Variants in FBH1 observed in about 807,000 individuals in gnomAD.
FBH1 encodes the protein DNA 3'-5' helicase 1.
In FBH1, 43 loss-of-function variants were observed where a neutral mutation model predicts 115.5. That is an observed-to-expected ratio of 0.37 (90% CI 0.29 to 0.48). The LOEUF (loss-of-function observed/expected upper bound fraction) is 0.48. Ranked by LOEUF, FBH1 falls within the 20% of genes least tolerant of loss-of-function variation. The pLI is 0.99. For synonymous variants in FBH1, 524 were observed against 507.8 expected, an observed-to-expected ratio of 1.03 and a Z score of -0.43; for missense variants, 1,001 against 1,337.3, an observed-to-expected ratio of 0.75 and a Z score of 3.92.
chr10:5,908,907 T>C lies in FBH1; in HGVS notation c.754-18T>C. The C allele has an allele frequency of 6.2e-7, 1 of 1,613,328 alleles. No individual in the cohort carries two copies. The highest frequency in any genetic ancestry group is 1.3e-5 in the African/African-American group (1 of 75,058). On this transcript the variant is annotated intron_variant, in intron 3 of 20. Transcript: ENST00000362091. ...GCCCTTTGCCTCATGTTATTTTGTTTGTTTTTTAACTGCATAGTTCATTCC... is the reference window on the plus strand; with the variant it reads ...GCCCTTTGCCTCATGTTATTTTGTTCGTTTTTTAACTGCATAGTTCATTCC...
In FBH1 at chr10:5,914,775, C is replaced by T. The variant is rs1242300654; in HGVS notation, c.1396+506C>T. Among the ~76,000 whole-genome samples the T allele has an allele frequency of 6.6e-6, 1 of 152,222 alleles. No homozygotes were observed. The highest frequency in any genetic ancestry group is 2.4e-5 in the African/African-American group (1 of 41,460). On this transcript the variant is annotated intron_variant, in intron 8 of 20. Transcript: ENST00000362091. The surrounding 1 kb of genome is among the most constrained non-coding windows in gnomAD (Gnocchi z 5.2). ...GGTTACTCTTTCATCACAGCCTTTG[C>T]TCGTGCTATTTGCTATTTTTTTTCT...
rs988139207 is a variant in FBH1, at chr10:5,915,671, C to T, written c.1565+100C>T. On this transcript the variant is annotated intron_variant, in intron 9 of 20. Transcript: ENST00000362091. This position sits in a 1 kb window ranked among gnomAD's most constrained non-coding sequence, Gnocchi z 5.2. Reference sequence around the variant, plus strand: ...ATGTGAGCTTACACCACAGTGACCCCGAGGAGTGTAGTGCTGTTATCTCCA... The same window carrying T: ...ATGTGAGCTTACACCACAGTGACCCTGAGGAGTGTAGTGCTGTTATCTCCA... 70 of 1,121,662 alleles carry T rather than the reference C, an allele frequency of 6.2e-5. No individual in the cohort carries two copies. Among genetic ancestry groups the T allele is most frequent in the Admixed American group, 1.8e-4 (9 of 49,620 alleles). 69.5% of individuals were successfully genotyped at this position (1,121,662 alleles called of 1,614,324 possible).
intron 19 of FBH1, among the ~76,000 whole-genome samples, chr10:5,929,189 C>T (rs1323764822): frequency 3.9e-5 from 6 of 152,048 alleles, no homozygotes; most frequent in African/African-American, 1.4e-4. Context: ...CCCATCCAGG[C>T]GAGGAGATGG....
intron 1 of FBH1, among the ~76,000 whole-genome samples, chr10:5,902,748 G>C (rs754104127): frequency 6.6e-6 from 1 of 151,940 alleles, no homozygotes; most frequent in African/African-American, 2.4e-5. Context: ...TCTTAAATGA[G>C]CATTTCATGA....
At position 5,906,278 on chromosome 10, in the gene FBH1, G is replaced by T; in HGVS notation, c.399G>T (p.Gln133His). ...GGTCCTCTGAGGAAGAGAGTAACCA[G>T]GCTACCGGGACCAGCCGGTGGGATG... is the stretch of plus-strand genomic sequence containing the variant. ...RSWSSEEESN[Q>H]ATGTSRWDGV... The change falls in exon 3 of 21, where the codon CAG becomes CAT. Residue 133 changes from glutamine to histidine, a missense_variant. Gln to His is a conservative substitution (Grantham distance 24). This residue lies in a region of FBH1 where 420 missense variants were observed against 430.4 expected (regional missense o/e 0.98). Transcript: ENST00000362091. The surrounding 1 kb of genome is among the most constrained non-coding windows in gnomAD (Gnocchi z 7.3). 6.2e-7 allele frequency: 1 copy of T among 1,614,204 alleles called. No individual in the cohort carries two copies. Among genetic ancestry groups the T allele is most frequent in the Non-Finnish European group, 8.5e-7 (1 of 1,180,032 alleles).
intron 2 of FBH1, among the ~76,000 whole-genome samples, chr10:5,903,665 T>C (rs550707846): frequency 6.6e-6 from 1 of 152,090 alleles, no homozygotes; most frequent in South Asian, 2.1e-4. Context: ...TTATCATAGT[T>C]TGTAAAAGCT....
At position 5,936,767 on chromosome 10, in the gene FBH1, G is replaced by A. The variant is rs1833385785; in HGVS notation, c.2961+180G>A. ...GTCCCAGGGTCAGAGGTCAGGGCAC[G>A]TGATGCTGCCTGGCTGTGCTGAAGC... On this transcript the variant is annotated intron_variant, in intron 20 of 20. Coordinates refer to ENST00000362091, the MANE Select transcript of FBH1 (RefSeq NM_178150.3). The surrounding 1 kb of genome is among the most constrained non-coding windows in gnomAD (Gnocchi z 5.6). The A allele has an allele frequency of 9.0e-6, 7 of 775,256 alleles. No homozygotes were observed. The highest frequency in any genetic ancestry group is 5.6e-5 in the East Asian group (2 of 36,020). The allele number at this position is 775,256 out of a possible 1,614,324, so 48.0% of individuals were successfully genotyped here.
intron 10 of FBH1, among the ~76,000 whole-genome samples, chr10:5,916,690 T>G (rs1831980468): frequency 6.8e-6 from 1 of 146,986 alleles, no homozygotes; most frequent in Non-Finnish European, 1.5e-5. Context: ...GTTAGGGATC[T>G]GAGGATGGGG....
In FBH1 at chr10:5,936,506, G is replaced by A. The variant is rs768417959; in HGVS notation, c.2880G>A (p.Val960=). The change falls in exon 20 of 21, where the codon GTG becomes GTA. Residue 960 remains valine (V), a synonymous_variant. Transcript: ENST00000362091. The surrounding 1 kb of genome is among the most constrained non-coding windows in gnomAD (Gnocchi z 5.6). ...CAAGCAACGTCTTAAAAACAGGCGT[G>A]GTGCGCTGCTGCGTGGGACAGTGCA... ...ELTSNVLKTG[V]VRCCVGQCNN... is the part of the protein sequence containing the mutation. 1.2e-6 allele frequency: 2 copies of A among 1,614,116 alleles called. No homozygotes were observed. Among genetic ancestry groups the A allele is most frequent in the East Asian group, 2.2e-5 (1 of 44,884 alleles).
chr10:5,909,293 G>T lies in FBH1; in HGVS notation c.1019G>T (p.Gly340Val), dbSNP rs1486227909. 6.2e-7 allele frequency: 1 copy of T among 1,608,764 alleles called. No homozygotes were observed. The highest frequency in any genetic ancestry group is 8.5e-7 in the Non-Finnish European group (1 of 1,179,844). Residue 340 changes from glycine to valine, a missense_variant and splice_region_variant, in exon 5 of 21, where the codon GGG becomes GTG. This residue lies in a region of FBH1 where 59 missense variants were observed against 79.7 expected (regional missense o/e 0.74). Coordinates refer to ENST00000362091, the MANE Select transcript of FBH1 (RefSeq NM_178150.3). The surrounding 1 kb of genome is among the most constrained non-coding windows in gnomAD (Gnocchi z 4.4). Reference protein sequence around the residue: ...QHLPDLYAAAGGVNIWALVAA... With the variant: ...QHLPDLYAAAVGVNIWALVAA... Reference sequence around the variant, plus strand: ...CTCCCCGACCTCTACGCTGCTGCCGGGGTAGGTCTGGAGGCTGCGGGAGAA... The same window carrying T: ...CTCCCCGACCTCTACGCTGCTGCCGTGGTAGGTCTGGAGGCTGCGGGAGAA...
rs1296242813 is a variant in FBH1, at chr10:5,909,193, G to A, written c.919G>A (p.Asp307Asn). 1 of 1,613,662 alleles carries A rather than the reference G, an allele frequency of 6.2e-7. No individual in the cohort carries two copies. Among genetic ancestry groups the A allele is most frequent in the Non-Finnish European group, 8.5e-7 (1 of 1,180,018 alleles). ...TATTKCSPSVDPERVLWSLRD... is the reference protein window; with the variant it reads ...TATTKCSPSVNPERVLWSLRD... ...CACCACTAAGTGCTCTCCGAGTGTGGATCCCGAGAGGGTGCTGTGGAGTCT... is the reference window on the plus strand; with the variant it reads ...CACCACTAAGTGCTCTCCGAGTGTGAATCCCGAGAGGGTGCTGTGGAGTCT... Residue 307 changes from aspartate to asparagine, a missense_variant, in exon 5 of 21, where the codon GAT becomes AAT. Asp to Asn is a conservative substitution (Grantham distance 23). Coordinates refer to ENST00000362091, the MANE Select transcript of FBH1 (RefSeq NM_178150.3). This position sits in a 1 kb window ranked among gnomAD's most constrained non-coding sequence, Gnocchi z 4.4.
rs777921186 is a variant in FBH1 at position 5,906,254 on chromosome 10, G to T, written c.375G>T (p.Trp125Cys). Residue 125 changes from tryptophan to cysteine, a missense_variant, in exon 3 of 21, where the codon TGG becomes TGT. By Grantham distance (215) the Trp-to-Cys change is radical. Transcript: ENST00000362091. The surrounding 1 kb of genome is among the most constrained non-coding windows in gnomAD (Gnocchi z 7.3). ...GSAPPSRKRS[W>C]SSEEESNQAT... ...CCCCGCCCTCCAGGAAGCGGTCTTG[G>T]TCCTCTGAGGAAGAGAGTAACCAGG... The T allele has an allele frequency of 1.2e-6, 2 of 1,614,192 alleles. No homozygotes were observed. The highest frequency in any genetic ancestry group is 1.7e-6 in the Non-Finnish European group (2 of 1,180,024).
In FBH1 at chr10:5,906,065, G is replaced by A; in HGVS notation, c.186G>A (p.Glu62=). 2 of 1,610,842 alleles carry A rather than the reference G, an allele frequency of 1.2e-6. No individual in the cohort carries two copies. Among genetic ancestry groups the A allele is most frequent in the African/African-American group, 1.3e-5 (1 of 74,988 alleles). The change falls in exon 3 of 21, where the codon GAG becomes GAA. Residue 62 remains glutamate, a synonymous_variant. Coordinates refer to ENST00000362091, the MANE Select transcript of FBH1 (RefSeq NM_178150.3). The surrounding 1 kb of genome is among the most constrained non-coding windows in gnomAD (Gnocchi z 7.3). The stretch of plus-strand genomic sequence containing the variant: ...AGGGAAGTCAAAGATGCATCCCTGA[G>A]TTCTTCCTAGCAGGCAAGCAGCCGT... ...RGQGSQRCIP[E]FFLAGKQPCT... is the part of the protein sequence containing the mutation.
In FBH1 at chr10:5,918,354, T is replaced by C; in HGVS notation, c.1976T>C (p.Ile659Thr). 1.2e-6 allele frequency: 2 copies of C among 1,612,930 alleles called. No homozygotes were observed. The highest frequency in any genetic ancestry group is 1.7e-6 in the Non-Finnish European group (2 of 1,179,746). Reference protein sequence around the residue: ...AQDCTPAIMNIVLSQPCGKIF... With the variant: ...AQDCTPAIMNTVLSQPCGKIF... ...TCGTTGGTTACAGCTATCATGAACATAGTTCTGTCTCAGCCATGTGGGAAA... is the reference window on the plus strand; with the variant it reads ...TCGTTGGTTACAGCTATCATGAACACAGTTCTGTCTCAGCCATGTGGGAAA... The change falls in exon 13 of 21, where the codon ATA (isoleucine) becomes ACA (threonine). Residue 659 changes from isoleucine to threonine, a missense_variant. This residue lies in a region of FBH1 where 521 missense variants were observed against 811.0 expected (regional missense o/e 0.64). Transcript: ENST00000362091. The surrounding 1 kb of genome is among the most constrained non-coding windows in gnomAD (Gnocchi z 4.0).
chr10:5,916,572 CA>C (rs1831958373), intron 10 of FBH1, 116 bp downstream of exon 10: 11 of 848,190 alleles, frequency 1.3e-5, no homozygotes, highest in South Asian at 3.4e-5. Flanking sequence ...GATGGGGAAA[CA>C]GGGGAAGTGT....
rs1397846979 is a variant in FBH1, at chr10:5,928,479, C to G, written c.2829+938C>G. 4 of 152,142 alleles carry G rather than the reference C, an allele frequency of 2.6e-5. No homozygotes were observed. In the East Asian group the frequency reaches 7.7e-4, roughly 29 times the overall value. The allele number at this position is 152,142 out of a possible 1,614,324, so 9.4% of individuals were successfully genotyped here. ...TTCTCAGTGTTCACAGGGAAAAATG[C>G]CAGGAAGGTTTTGTGCACCCAGCCT... On this transcript the variant is annotated intron_variant, in intron 19 of 20. Coordinates refer to ENST00000362091, the MANE Select transcript of FBH1 (RefSeq NM_178150.3).
chr10:5,900,587 G>T lies in FBH1; in HGVS notation c.2-2433G>T, dbSNP rs1161765427. ...CGATTTCCAGCGTCCTTTCAGAGGGGCTCTCAGAACTGCTTTTGTTTGTAG... is the reference window on the plus strand; with the variant it reads ...CGATTTCCAGCGTCCTTTCAGAGGGTCTCTCAGAACTGCTTTTGTTTGTAG... On this transcript the variant is annotated intron_variant, in intron 1 of 20. Coordinates refer to ENST00000362091, the MANE Select transcript of FBH1 (RefSeq NM_178150.3). The surrounding 1 kb of genome is among the most constrained non-coding windows in gnomAD (Gnocchi z 4.2). 6.6e-6 allele frequency among the ~76,000 whole-genome samples: 1 copy of T among 152,214 alleles called. No homozygotes were observed. The highest frequency in any genetic ancestry group is 1.5e-5 in the Non-Finnish European group (1 of 68,044).
chr10:5,916,031 T>C, intron 9 of FBH1: 1 of 583,264 alleles, frequency 1.7e-6, no homozygotes, highest in South Asian at 2.1e-5. Context: ...CTGGTTCCTA[T>C]TCTGGGTTGG....
chr10:5,928,212 A>T (rs145172230), intron 19 of FBH1: 2,035 of 139,280 alleles, frequency 0.015, 31 homozygotes, highest in East Asian at 0.065. Context: ...GTGCAGTGGC[A>T]CAGTCATCAC....
Sources: allele counts gnomAD v4.1 joint callset (sites outside exome capture counted in the v4.1 genomes callset), GRCh38; gene constraint gnomAD v4.1.1; regional missense constraint gnomAD v4.1.1; non-coding constraint Gnocchi (gnomAD v3.1); transcripts MANE v1.5; gene names NCBI Gene and HGNC (gene_info 2026-07-23, HGNC 2026-07-21).